The following SLC35E1 variants were observed in gnomAD, a reference collection of about 807,000 sequenced individuals.
SLC35E1 encodes the protein solute carrier family 35 member E1.
SLC35E1 carries 12 observed loss-of-function variants against 31.0 expected under a neutral mutation model. The ratio of observed to expected loss-of-function variants is 0.39; its 90% CI spans 0.25 to 0.63. The LOEUF is 0.63. Among genes scored for constraint, SLC35E1 ranks in the 20% least tolerant of loss-of-function variants. SLC35E1 has a pLI of 0.52. For missense variants in SLC35E1, 429 were observed against 572.2 expected (o/e 0.75, Z 2.55); for synonymous variants, 257 against 264.1 (o/e 0.97, Z 0.26).
chr19:16,571,410 G>T, intron 2 of SLC35E1, 102 bp downstream of exon 2: 1 of 1,246,572 alleles, frequency 8.0e-7, no homozygotes, highest in Non-Finnish European at 1.2e-6. Context: ...TTGACGGGAA[G>T]CCAGGCAGCC....
chr19:16,570,464 C>T (rs2085951841), intron 2 of SLC35E1, among the ~76,000 whole-genome samples: 1 of 152,202 alleles, frequency 6.6e-6, no homozygotes, highest in African/African-American at 2.4e-5. Context: ...GCACGGTGTC[C>T]AGCATCAGCA....
chr19:16,569,387 T>A (rs2085947005), intron 2 of SLC35E1, among the ~76,000 whole-genome samples: 1 of 152,194 alleles, frequency 6.6e-6, no homozygotes, highest in South Asian at 2.1e-4. Context: ...AGGTCCTTGT[T>A]CACTGCTTTA....
chr19:16,570,621 C>G (rs2085952947), intron 2 of SLC35E1, among the ~76,000 whole-genome samples: 1 of 152,134 alleles, frequency 6.6e-6, no homozygotes, highest in South Asian at 2.1e-4. Context: ...TGGACTGTGC[C>G]CAAAGCATCC....
rs143719811 is a variant in SLC35E1 at position 16,553,005 on chromosome 19, G to A, written c.*674C>T. ...GATCTGGGTGGATGCCAACCCTGAC[G>A]TGCAGGGCAGAGCACCAGGCTGCAG... On this transcript the variant is annotated 3_prime_UTR_variant, in exon 6 of 6. Coordinates refer to ENST00000595753, the MANE Select transcript of SLC35E1 (RefSeq NM_024881.5). 8.7e-4 allele frequency: 133 copies of A among 152,372 alleles called. No individual in the cohort carries two copies. Among genetic ancestry groups the A allele is most frequent in the African/African-American group, 3.0e-3 (123 of 41,576 alleles). The allele number at this position is 152,372 out of a possible 1,614,324, so 9.4% of individuals were successfully genotyped here.
rs969992241 is a variant in SLC35E1 at position 16,553,138 on chromosome 19, T to C, written c.*541A>G. On this transcript the variant is annotated 3_prime_UTR_variant, in exon 6 of 6. Coordinates refer to ENST00000595753, the MANE Select transcript of SLC35E1 (RefSeq NM_024881.5). ...CTGGATCCATCTCTGTGGCTGGGGA[T>C]GTTTTGAATGATTCTCGCGGGCTCC... The C allele has an allele frequency of 6.6e-6, 1 of 152,266 alleles. No homozygotes were observed. Among genetic ancestry groups the C allele is most frequent in the African/African-American group, 2.4e-5 (1 of 41,448 alleles). 9.4% of individuals were successfully genotyped at this position (152,266 alleles called of 1,614,324 possible).
In SLC35E1 at chr19:16,552,816, C is replaced by G. The variant is rs2085852375; in HGVS notation, c.*863G>C. The G allele has an allele frequency of 6.6e-6, 1 of 152,198 alleles. No homozygotes were observed. The highest frequency in any genetic ancestry group is 1.5e-5 in the Non-Finnish European group (1 of 68,040). The allele number at this position is 152,198 out of a possible 1,614,324, so 9.4% of individuals were successfully genotyped here. On this transcript the variant is annotated 3_prime_UTR_variant, in exon 6 of 6. Transcript: ENST00000595753. ...TACCAAACAACATACCAAGTCATCA[C>G]AGAAGAGGTGAAGATGCCTCTCAAA...
At position 16,552,705 on chromosome 19, in the gene SLC35E1, A is replaced by G. The variant is rs563874997; in HGVS notation, c.*974T>C. On this transcript the variant is annotated 3_prime_UTR_variant, in exon 6 of 6. Coordinates refer to ENST00000595753, the MANE Select transcript of SLC35E1 (RefSeq NM_024881.5). ...ATAGGCCAGTCCTAATGCATCCCAT[A>G]ATGGGGACCAAGGCAAAAACACACA... 1 of 152,296 alleles carries G rather than the reference A, an allele frequency of 6.6e-6. No individual in the cohort carries two copies. Among genetic ancestry groups the G allele is most frequent in the African/African-American group, 2.4e-5 (1 of 41,570 alleles). The allele number at this position is 152,296 out of a possible 1,614,324, so 9.4% of individuals were successfully genotyped here.
chr19:16,560,447 G>A (rs557375782), intron 4 of SLC35E1, among the ~76,000 whole-genome samples: 1 of 152,308 alleles, frequency 6.6e-6, no homozygotes, highest in South Asian at 2.1e-4. Flanking sequence ...TCAAACAGCA[G>A]AGGAAGAGTC....
intron 4 of SLC35E1, among the ~76,000 whole-genome samples, chr19:16,564,788 C>G (rs1431657461): frequency 4.6e-5 from 7 of 152,176 alleles, no homozygotes; most frequent in African/African-American, 1.4e-4. Flanking sequence ...TCAAAAGGAA[C>G]AGTTAAGCAT....
chr19:16,566,403 G>T, intron 4 of SLC35E1, 129 bp downstream of exon 4: 1 of 1,284,934 alleles, frequency 7.8e-7, no homozygotes, highest in South Asian at 1.4e-5. Context: ...AGGACTGACT[G>T]CTGAAAGCGC....
In SLC35E1 at chr19:16,572,042, T is replaced by G. The variant is rs764959391; in HGVS notation, c.323A>C (p.Tyr108Ser). ...GGCGAGCGGTAGCACGTAGCGCGGG[T>G]AGAAGCGCGGCGGCAGCAGCGGGCC... is the stretch of plus-strand genomic sequence containing the variant. ...SSGPLLPPRF[Y>S]PRYVLPLAFG... Residue 108 changes from tyrosine to serine, a missense_variant, in exon 1 of 6, where the codon TAC becomes TCC. Transcript: ENST00000595753. The surrounding 1 kb of genome is among the most constrained non-coding windows in gnomAD (Gnocchi z 4.1). 6.5e-7 allele frequency: 1 copy of G among 1,540,374 alleles called. No individual in the cohort carries two copies. Among genetic ancestry groups the G allele is most frequent in the South Asian group, 1.2e-5 (1 of 83,624 alleles).
At chr19:16,560,881 CAAAAAAA>C (rs1304202019) in intron 4 of SLC35E1, among the ~76,000 whole-genome samples, 1 of 68,060 alleles carries the variant, frequency 1.5e-5, no homozygotes, top group Non-Finnish European at 2.9e-5. Flanking sequence ...AAAAAAAAAC[CAAAAAAA>C]AAAAAAAAAA....
chr19:16,557,023 T>C (rs2085878377), intron 4 of SLC35E1: 1 of 470,548 alleles, frequency 2.1e-6, no homozygotes, highest in East Asian at 6.9e-5. Context: ...TGGGCCAGCC[T>C]GTTCTCCCAG....
chr19:16,555,298 C>A lies in SLC35E1; in HGVS notation c.856G>T (p.Val286Phe). The A allele has an allele frequency of 6.2e-7, 1 of 1,614,094 alleles. No homozygotes were observed. The highest frequency in any genetic ancestry group is 1.1e-5 in the South Asian group (1 of 91,082). ...NVIAFSILNL[V>F]SPLSYSVANA... is the part of the protein sequence containing the mutation. ...GCGACCGAGTAGCTCAGGGGGCTAA[C>A]GAGGTTGAGGATGCTGAAGGCGATA... is the stretch of plus-strand genomic sequence containing the variant. Residue 286 changes from valine (V) to phenylalanine (F), a missense_variant, in exon 5 of 6, where the codon GTT (valine) becomes TTT (phenylalanine). Coordinates refer to ENST00000595753, the MANE Select transcript of SLC35E1 (RefSeq NM_024881.5). The surrounding 1 kb of genome is among the most constrained non-coding windows in gnomAD (Gnocchi z 4.1).
chr19:16,559,484 ACAC>A (rs756664407), intron 4 of SLC35E1, among the ~76,000 whole-genome samples: 2 of 151,386 alleles, frequency 1.3e-5, no homozygotes, highest in Non-Finnish European at 2.9e-5. Flanking sequence ...ACACACACAC[ACAC>A]ACACACACAC....
rs2085870889 is a variant in SLC35E1 at position 16,555,411 on chromosome 19, A to G, written c.757-14T>C. The G allele has an allele frequency of 1.7e-5, 27 of 1,612,422 alleles. No homozygotes were observed. The highest frequency in any genetic ancestry group is 2.3e-5 in the Non-Finnish European group (27 of 1,179,696). ...GTAGACGTAGGTCTGCAGAGACCGG[A>G]AGGTAAAGACAGCACTTCAGTGGGC... is the stretch of plus-strand genomic sequence containing the variant. On this transcript the variant is annotated splice_polypyrimidine_tract_variant and intron_variant, in intron 4 of 5. Transcript: ENST00000595753. The surrounding 1 kb of genome is among the most constrained non-coding windows in gnomAD (Gnocchi z 4.1).
rs111310829 is a variant in SLC35E1 at position 16,549,841 on chromosome 19, C to T, written c.*3838G>A. The T allele has an allele frequency of 6.6e-5, 10 of 152,178 alleles. No homozygotes were observed. The highest frequency in any genetic ancestry group is 2.4e-4 in the African/African-American group (10 of 41,448). The allele number at this position is 152,178 out of a possible 1,614,324, so 9.4% of individuals were successfully genotyped here. ...ACAAATCGGGACCAATTTTGATTCC[C>T]TGGAAACCATCATTTATTTTTGGTA... On this transcript the variant is annotated 3_prime_UTR_variant, in exon 6 of 6. Coordinates refer to ENST00000595753, the MANE Select transcript of SLC35E1 (RefSeq NM_024881.5).
In SLC35E1 at chr19:16,551,752, C is replaced by CTTTTTTT. The variant is rs754006311; in HGVS notation, c.*1920_*1926dup. The CTTTTTTT allele has an allele frequency of 7.8e-6, 1 of 128,240 alleles. No individual in the cohort carries two copies. The highest frequency in any genetic ancestry group is 2.9e-5 in the African/African-American group (1 of 33,904). The allele number at this position is 128,240 out of a possible 1,614,324, so 7.9% of individuals were successfully genotyped here. A position where few individuals can be genotyped will look rare whatever the true frequency, so the allele number is the denominator to read the frequency against. On this transcript the variant is annotated 3_prime_UTR_variant, in exon 6 of 6. Transcript: ENST00000595753. ...TTTCTGCCAAGACCCAAACTGATTCCTTTTTTTTTTTTTTTTTTTTGAGAC... is the reference window on the plus strand; with the variant it reads ...TTTCTGCCAAGACCCAAACTGATTCCTTTTTTTTTTTTTTTTTTTTTTTTTTTGAGAC...
chr19:16,571,704 G>C lies in SLC35E1; in HGVS notation c.422-122C>G, dbSNP rs1181736528. The C allele has an allele frequency of 8.1e-6, 9 of 1,107,196 alleles. No homozygotes were observed. The East Asian group carries it at 2.2e-4, about 27-fold the overall frequency. The allele number at this position is 1,107,196 out of a possible 1,614,324, so 68.6% of individuals were successfully genotyped here. A position where few individuals can be genotyped will look rare whatever the true frequency, so the allele number is the denominator to read the frequency against. ...CACACCTCTTCGCCCCTTCTCTTTC[G>C]GTAGGGCTTCCTCCTGCCACGGCTG... On this transcript the variant is annotated intron_variant, in intron 1 of 5. Coordinates refer to ENST00000595753, the MANE Select transcript of SLC35E1 (RefSeq NM_024881.5).
Sources: allele counts gnomAD v4.1 joint callset (sites outside exome capture counted in the v4.1 genomes callset), GRCh38; gene constraint gnomAD v4.1.1; non-coding constraint Gnocchi (gnomAD v3.1); transcripts MANE v1.5; gene names NCBI Gene and HGNC (gene_info 2026-07-23, HGNC 2026-07-21).